N4BP2L2: variants seen among roughly 807,000 people sequenced by gnomAD.
N4BP2L2 encodes the protein NEDD4 binding protein 2 like 2.
Under a neutral mutation model 56.2 loss-of-function variants are expected in N4BP2L2, and 50 were observed. That is an observed-to-expected ratio of 0.89 (90% CI 0.71 to 1.13). The LOEUF (loss-of-function observed/expected upper bound fraction) is 1.13, where lower values mean the gene tolerates loss of function less well. N4BP2L2 is among the 50% of genes most tolerant of loss of function. N4BP2L2 has a pLI of 0.00. For missense variants in N4BP2L2, 689 were observed against 693.8 expected (o/e 0.99, Z 0.08); for synonymous variants, 203 against 223.6 (o/e 0.91, Z 0.82).
chr13:32,443,208 C>T (rs761945395), exon 7 of N4BP2L2: 2 of 1,613,744 alleles, frequency 1.2e-6, no homozygotes, highest in South Asian at 1.1e-5. Context: ...CATTTCCTAT[C>T]AGTAGTTTGT....
At chr13:32,473,789 T>G (rs2082748810) in intron 6 of N4BP2L2, among the ~76,000 whole-genome samples, 1 of 152,240 alleles carries the variant, frequency 6.6e-6, no homozygotes, top group Non-Finnish European at 1.5e-5. Context: ...ACTCTGTTTT[T>G]CTGCCTCTAT....
At chr13:32,437,770 C>G (rs531429357) in intron 8 of N4BP2L2, among the ~76,000 whole-genome samples, 94 of 152,298 alleles carry the variant, frequency 6.2e-4, no homozygotes, top group African/African-American at 2.0e-3. Context: ...GAATAAAGGA[C>G]TCACCTACAG....
intron 6 of N4BP2L2, among the ~76,000 whole-genome samples, chr13:32,492,273 ATT>A (rs72053635): frequency 3.9e-4 from 28 of 72,136 alleles, no homozygotes; most frequent in South Asian, 5.9e-4. Flanking sequence ...AAACACCAAA[ATT>A]TTTTTTTTTT....
In N4BP2L2 at chr13:32,448,881, C is replaced by G. The variant is rs2077435385; in HGVS notation, c.366-4755G>C. Among the ~76,000 whole-genome samples the G allele has an allele frequency of 2.0e-5, 3 of 152,290 alleles. No individual in the cohort carries two copies. In the South Asian group the frequency reaches 6.2e-4, roughly 32 times the overall value. Reference sequence around the variant, plus strand: ...ATGACCAGTTGAAATAACTGAGGCCCAGGTCCTGGTCCTGGCTCAGTAATA... The same window carrying G: ...ATGACCAGTTGAAATAACTGAGGCCGAGGTCCTGGTCCTGGCTCAGTAATA... On this transcript the variant is annotated intron_variant, in intron 6 of 9. Coordinates refer to the N4BP2L2 transcript ENST00000357505.
intron 6 of N4BP2L2, among the ~76,000 whole-genome samples, chr13:32,504,285 A>C (rs372708375): frequency 7.9e-5 from 12 of 152,308 alleles, no homozygotes; most frequent in African/African-American, 2.6e-4. Flanking sequence ...TAGGTGGCTT[A>C]AACAATAGAA....
At chr13:32,433,711 G>C (rs1478991762) in intron 9 of N4BP2L2, among the ~76,000 whole-genome samples, 1 of 151,744 alleles carries the variant, frequency 6.6e-6, no homozygotes, top group African/African-American at 2.4e-5. Flanking sequence ...TGAATCACGA[G>C]GTTAGGAGTT....
intron 6 of N4BP2L2, among the ~76,000 whole-genome samples, chr13:32,455,259 G>A (rs1214305590): frequency 1.3e-5 from 2 of 152,210 alleles, no homozygotes; most frequent in African/African-American, 4.8e-5. Flanking sequence ...CACATATAGT[G>A]TGCGGCACCC....
chr13:32,534,527 T>C (rs952815107), intron 2 of N4BP2L2, among the ~76,000 whole-genome samples: 2 of 152,174 alleles, frequency 1.3e-5, no homozygotes, highest in African/African-American at 4.8e-5. Context: ...ACTTCTATTA[T>C]TATAGAGGTG....
exon 6 of N4BP2L2, chr13:32,515,130 ACT>A (rs2048922951): frequency 7.1e-6 from 1 of 140,474 alleles, no homozygotes. Context: ...CCAGAGAAAG[ACT>A]CTGTCTCAAA....
intron 6 of N4BP2L2, among the ~76,000 whole-genome samples, chr13:32,473,023 G>A (rs1053495581): frequency 2.0e-5 from 3 of 152,164 alleles, no homozygotes; most frequent in Non-Finnish European, 4.4e-5. Context: ...GCTCACGCCT[G>A]TAATCCCAGC....
intron 1 of N4BP2L2, among the ~76,000 whole-genome samples, chr13:32,537,622 G>A (rs2056868080): frequency 2.0e-5 from 3 of 152,266 alleles, no homozygotes; most frequent in South Asian, 4.1e-4. Flanking sequence ...GCATAAAAGA[G>A]GTTCCTAAAT....
intron 6 of N4BP2L2, among the ~76,000 whole-genome samples, chr13:32,467,166 G>C (rs1478816329): frequency 6.6e-6 from 1 of 152,044 alleles, no homozygotes; most frequent in African/African-American, 2.4e-5. Flanking sequence ...ATCTGCTAGA[G>C]ATAACGTGAA....
At chr13:32,479,412 C>T (rs2084081991) in intron 6 of N4BP2L2, among the ~76,000 whole-genome samples, 1 of 151,468 alleles carries the variant, frequency 6.6e-6, no homozygotes, top group South Asian at 2.1e-4. Flanking sequence ...GGACTACAGG[C>T]GCCCGCCACC....
At chr13:32,517,143 G>A in exon 6 of N4BP2L2, 1 of 985,252 alleles carries the variant, frequency 1.0e-6, no homozygotes, top group Non-Finnish European at 1.2e-6. Context: ...AGCATGTGGG[G>A]TTAGGGAGAT....
At chr13:32,452,769 T>C (rs910942560) in intron 6 of N4BP2L2, among the ~76,000 whole-genome samples, 3 of 152,210 alleles carry the variant, frequency 2.0e-5, no homozygotes, top group Non-Finnish European at 2.9e-5. Context: ...ATGAGTACTA[T>C]GATCCTATCA....
At chr13:32,487,355 G>A (rs1186940978) in intron 6 of N4BP2L2, among the ~76,000 whole-genome samples, 14 of 151,330 alleles carry the variant, frequency 9.3e-5, no homozygotes. Flanking sequence ...ATGTACCTGT[G>A]GTCTCAGCTA....
chr13:32,492,916 G>GTTTTTTTTTTTTTTTTT (rs35025430), intron 6 of N4BP2L2, among the ~76,000 whole-genome samples: 3 of 107,516 alleles, frequency 2.8e-5, no homozygotes, highest in African/African-American at 1.1e-4. Flanking sequence ...TAGCTTTTCT[G>GTTTTTTTTTTTTTTTTT]TTTTTTTTTT....
exon 2 of N4BP2L2, chr13:32,536,501 T>G (rs759448412): frequency 1.2e-6 from 2 of 1,612,988 alleles, no homozygotes; most frequent in African/African-American, 2.7e-5. Context: ...AATTTCTTTG[T>G]AAAACTGGAA....
At chr13:32,469,071 T>C (rs550109318) in intron 6 of N4BP2L2, among the ~76,000 whole-genome samples, 2 of 152,336 alleles carry the variant, frequency 1.3e-5, no homozygotes, top group African/African-American at 2.4e-5. Flanking sequence ...AATAAAACCA[T>C]ATTCAACTGC....
Sources: gnomAD v4.1 joint callset for allele counts (sites outside exome capture counted in the v4.1 genomes callset) on GRCh38, gnomAD v4.1.1 for gene constraint, MANE v1.5 for transcripts, NCBI Gene and HGNC (gene_info 2026-07-23, HGNC 2026-07-21) for gene names.